Variants in REG1B observed in about 807,000 individuals in gnomAD.
REG1B encodes lithostathine-1-beta.
A neutral mutation model predicts 20.4 loss-of-function variants in REG1B; 21 were observed. The ratio of observed to expected loss-of-function variants is 1.03; its 90% confidence interval spans 0.73 to 1.48. REG1B has a LOEUF of 1.48. Ranked by LOEUF, REG1B falls within the 40% of genes most tolerant of loss-of-function variation. The pLI is 0.00. For missense variants in REG1B, 247 were observed against 197.2 expected (o/e 1.25, Z -1.51); for synonymous variants, 82 against 73.4 (o/e 1.12, Z -0.60).
chr2:79,085,467 G>GAGATAA, intron 5 of REG1B, 25 bp downstream of exon 5: 1 of 1,573,216 alleles, frequency 6.4e-7, no homozygotes, highest in South Asian at 1.1e-5. Context: ...AATGGCAACA[G>GAGATAA]GTGGATAGAT....
chr2:79,086,443 G>C lies in REG1B; in HGVS notation c.245C>G (p.Ala82Gly), dbSNP rs1410156247. The C allele has an allele frequency of 6.2e-7, 1 of 1,613,862 alleles. No individual in the cohort carries two copies. Among genetic ancestry groups the C allele is most frequent in the African/African-American group, 1.3e-5 (1 of 74,870 alleles). Residue 82 changes from alanine (A) to glycine (G), a missense_variant, in exon 4 of 6, where the codon GCC becomes GGC. Ala to Gly is a moderately conservative substitution (Grantham distance 60). Transcript: ENST00000305089. Reference sequence around the variant, plus strand: ...CTCCTTAATCAGTGAGGCCACGAAGGCACCCTCCGCCTGGGTGAGCACAGA... The same window carrying C: ...CTCCTTAATCAGTGAGGCCACGAAGCCACCCTCCGCCTGGGTGAGCACAGA... ...LVSVLTQAEGAFVASLIKESS... is the reference protein window; with the variant it reads ...LVSVLTQAEGGFVASLIKESS...
chr2:79,085,264 A>C lies in REG1B; in HGVS notation c.453T>G (p.Asp151Glu). The C allele has an allele frequency of 6.2e-7, 1 of 1,613,100 alleles. No individual in the cohort carries two copies. Among genetic ancestry groups the C allele is most frequent in the Non-Finnish European group, 8.5e-7 (1 of 1,179,114 alleles). The change falls in exon 6 of 6, where the codon GAT becomes GAG. Residue 151 changes from aspartate to glutamate, a missense_variant. Physicochemically the swap from Asp to Glu is conservative, Grantham distance 45 (BLOSUM62 2). Coordinates refer to ENST00000305089, the MANE Select transcript of REG1B (RefSeq NM_006507.4). ...TSCSGFKKWK[D>E]ESCEKKFSFV... ...AGGAGAACTTCTTCTCACAAGATTC[A>C]TCCTTCCATTTCTTGAATCCTATGG...
At chr2:79,085,700 C>G in intron 4 of REG1B, 97 bp from the exon 5 acceptor site, 1 of 690,566 alleles carries the variant, frequency 1.4e-6, no homozygotes, top group South Asian at 1.8e-5. Context: ...CAAGTTATAG[C>G]AGAAAGAATA....
chr2:79,086,036 C>T, intron 4 of REG1B: 1 of 321,136 alleles, frequency 3.1e-6, no homozygotes, highest in South Asian at 3.8e-5. Flanking sequence ...TTCTCCTCCA[C>T]TACTCATTTT....
chr2:79,086,204 C>G, intron 4 of REG1B, 163 bp downstream of exon 4: 3 of 715,578 alleles, frequency 4.2e-6, no homozygotes, highest in Non-Finnish European at 6.7e-6. Flanking sequence ...CTCTAACTAC[C>G]TACACTGAAC....
At chr2:79,086,345 A>G (rs1457835768) in intron 4 of REG1B, 22 bp downstream of exon 4, 16 of 1,613,486 alleles carry the variant, frequency 9.9e-6, no homozygotes, top group Non-Finnish European at 1.1e-5. Context: ...TTATAAGGAG[A>G]TAGAGGTGGC....
intron 4 of REG1B, 64 bp downstream of exon 4, chr2:79,086,303 C>T (rs1672397883): frequency 6.4e-7 from 1 of 1,568,292 alleles, no homozygotes; most frequent in Non-Finnish European, 8.7e-7. Flanking sequence ...CGGTGCCAGA[C>T]CTTAAACGTC....
chr2:79,087,086 C>G, intron 2 of REG1B, 156 bp from the exon 3 acceptor site: 1 of 637,878 alleles, frequency 1.6e-6, no homozygotes, highest in South Asian at 1.9e-5. Context: ...CATCCTATCT[C>G]TTTTCTCTCT....
At chr2:79,086,980 AAAGGCTGG>A (rs757336197) in intron 2 of REG1B, 50 bp from the exon 3 acceptor site, 1 of 1,486,388 alleles carries the variant, frequency 6.7e-7, no homozygotes, top group South Asian at 1.1e-5. Context: ...AGGGCAAGGA[AAAGGCTGG>A]AAGGTGAATT....
rs1331231648 is a variant in REG1B, at chr2:79,087,395, G to C, written c.64+154C>G. ...TCAAACCCATGAATGAGGTGAGGGTGTTTTTGAATGGGATAAAATCAGCCA... is the reference window on the plus strand; with the variant it reads ...TCAAACCCATGAATGAGGTGAGGGTCTTTTTGAATGGGATAAAATCAGCCA... On this transcript the variant is annotated intron_variant, in intron 2 of 5. Transcript: ENST00000305089. 3 of 713,402 alleles carry C rather than the reference G, an allele frequency of 4.2e-6. No homozygotes were observed. The East Asian group carries it at 8.2e-5, about 19-fold the overall frequency. 44.2% of individuals were successfully genotyped at this position (713,402 alleles called of 1,614,324 possible).
intron 3 of REG1B, 56 bp from the exon 4 acceptor site, chr2:79,086,560 T>TG: frequency 6.3e-7 from 1 of 1,597,494 alleles, no homozygotes; most frequent in South Asian, 1.1e-5. Flanking sequence ...AGGGATATAC[T>TG]GAGACCTTCC....
rs1404985216 is a variant in REG1B at position 79,086,823 on chromosome 2, C to A, written c.172G>T (p.Val58Phe). 1 of 1,613,932 alleles carries A rather than the reference C, an allele frequency of 6.2e-7. No homozygotes were observed. Among genetic ancestry groups the A allele is most frequent in the African/African-American group, 1.3e-5 (1 of 75,014 alleles). The change falls in exon 3 of 6, where the codon GTT becomes TTT. Residue 58 changes from valine (V) to phenylalanine (F), a missense_variant. Physicochemically the swap from Val to Phe is conservative, Grantham distance 50. Transcript: ENST00000305089. ...CTCTCCTCACTCACATCTGCATCAA[C>A]CCAGGTCTCAGGGTCTTCATTAAAG... ...YYFNEDPETWVDADLYCQNMN... is the reference protein window; with the variant it reads ...YYFNEDPETWFDADLYCQNMN...
In REG1B at chr2:79,085,509, C is replaced by T. The variant is rs1459972199; in HGVS notation, c.416G>A (p.Ser139Asn). 2.5e-6 allele frequency: 4 copies of T among 1,613,600 alleles called. No individual in the cohort carries two copies. Among genetic ancestry groups the T allele is most frequent in the Non-Finnish European group, 3.4e-6 (4 of 1,179,704 alleles). Residue 139 changes from serine to asparagine, a missense_variant, in exon 5 of 6, where the codon AGC becomes AAC. Ser to Asn is a conservative substitution (Grantham distance 46). Coordinates refer to ENST00000305089, the MANE Select transcript of REG1B (RefSeq NM_006507.4). ...PSSANAGYCA[S>N]LTSCSGFKKW... Reference sequence around the variant, plus strand: ...CCTCTCACCTGAGCATGAAGTCAGGCTTGCACAGTAGCCAGCATTAGCACT... The same window carrying T: ...CCTCTCACCTGAGCATGAAGTCAGGTTTGCACAGTAGCCAGCATTAGCACT...
At chr2:79,087,151 C>T in intron 2 of REG1B, 1 of 558,650 alleles carries the variant, frequency 1.8e-6, no homozygotes, top group Non-Finnish European at 3.2e-6. Context: ...TAAATGAGTC[C>T]TCGTTTTCCT....
At position 79,086,919 on chromosome 2, in the gene REG1B, G is replaced by C. The variant is rs1470451855; in HGVS notation, c.76C>G (p.Gln26Glu). The C allele has an allele frequency of 1.9e-6, 3 of 1,613,398 alleles. No individual in the cohort carries two copies. The highest frequency in any genetic ancestry group is 2.5e-6 in the Non-Finnish European group (3 of 1,179,668). The change falls in exon 3 of 6, where the codon CAG becomes GAG. Residue 26 changes from glutamine (Q) to glutamate (E), a missense_variant. Gln to Glu is a conservative substitution (Grantham distance 29, BLOSUM62 2). Transcript: ENST00000305089. Reference protein sequence around the residue: ...FLSLSQGQESQTELPNPRISC... With the variant: ...FLSLSQGQESETELPNPRISC... Reference sequence around the variant, plus strand: ...ATTCGGGGATTAGGCAGCTCTGTCTGGGACTCCTGGCCTGGGGAAAAAAAA... The same window carrying C: ...ATTCGGGGATTAGGCAGCTCTGTCTCGGACTCCTGGCCTGGGGAAAAAAAA...
In REG1B at chr2:79,086,948, G is replaced by T. The variant is rs1402066181; in HGVS notation, c.65-18C>A. On this transcript the variant is annotated intron_variant, in intron 2 of 5. Coordinates refer to ENST00000305089, the MANE Select transcript of REG1B (RefSeq NM_006507.4). ...CTCCTGGCCTGGGGAAAAAAAAAAGGAGATAATTAAGAAAGAATCGCAGGG... is the reference window on the plus strand; with the variant it reads ...CTCCTGGCCTGGGGAAAAAAAAAAGTAGATAATTAAGAAAGAATCGCAGGG... The T allele has an allele frequency of 8.8e-6, 14 of 1,595,776 alleles. No individual in the cohort carries two copies. The highest frequency in any genetic ancestry group is 1.2e-5 in the Non-Finnish European group (14 of 1,163,742).
intron 3 of REG1B, 43 bp downstream of exon 3, chr2:79,086,769 T>C: frequency 6.4e-7 from 1 of 1,566,374 alleles, no homozygotes; most frequent in African/African-American, 1.4e-5. Context: ...CAGCTGCCTC[T>C]ACCTTCATAA....
At chr2:79,086,974 C>A (rs775511086) in intron 2 of REG1B, 44 bp from the exon 3 acceptor site, 2 of 1,511,726 alleles carry the variant, frequency 1.3e-6, no homozygotes, top group Non-Finnish European at 1.8e-6. Context: ...AATCGCAGGG[C>A]AAGGAAAAGG....
Position 79,085,197 on chromosome 2 carries a change from A to G in REG1B, c.*19T>C. 6 of 1,590,492 alleles carry G rather than the reference A, an allele frequency of 3.8e-6. No homozygotes were observed. Among genetic ancestry groups the G allele is most frequent in the Non-Finnish European group, 5.2e-6 (6 of 1,158,394 alleles). ...AGTAATTGCAGGACCAGTTCTAGAC[A>G]TCCATTTTTCAGCTTCCTCTAGTTT... is the stretch of plus-strand genomic sequence containing the variant. On this transcript the variant is annotated 3_prime_UTR_variant, in exon 6 of 6. Coordinates refer to ENST00000305089, the MANE Select transcript of REG1B (RefSeq NM_006507.4).
Sources: gnomAD v4.1 joint callset for allele counts on GRCh38, gnomAD v4.1.1 for gene constraint, MANE v1.5 for transcripts, NCBI Gene and HGNC (gene_info 2026-07-23, HGNC 2026-07-21) for gene names.